Variants in CSMD1 observed in about 807,000 individuals in gnomAD.
The protein encoded by CSMD1 is CUB and Sushi multiple domains 1.
In CSMD1, 213 loss-of-function variants were observed where a neutral mutation model predicts 417.5. The observed-to-expected ratio is 0.51, with a 90% CI of 0.46 to 0.57. The LOEUF (loss-of-function observed/expected upper bound fraction) is 0.57, where lower values mean the gene tolerates loss of function less well. CSMD1 is among the 20% of genes least tolerant of loss of function. The pLI is 0.00. For synonymous variants in CSMD1, 2,862 were observed against 1,736.8 expected (o/e 1.65, Z -16.11); for missense variants, 6,923 against 4,529.7 (o/e 1.53, Z -15.17).
intron 1 of CSMD1, among the ~76,000 whole-genome samples, chr8:4,818,761 G>A (rs1799352423): frequency 6.6e-6 from 1 of 152,172 alleles, no homozygotes; most frequent in African/African-American, 2.4e-5. Context: ...GATTATAATA[G>A]CTACACATCG....
At position 4,247,889 on chromosome 8, in the gene CSMD1, G is replaced by C. The variant is rs1005280847; in HGVS notation, c.415+172064C>G. 2.6e-5 allele frequency among the ~76,000 whole-genome samples: 4 copies of C among 152,034 alleles called. No homozygotes were observed. The South Asian group carries it at 8.3e-4, about 32-fold the overall frequency. On this transcript the variant is annotated intron_variant, in intron 3 of 69. Transcript: ENST00000635120. Reference sequence around the variant, plus strand: ...AATACAATGTACAAATTTTTCTTGAGGGATAAATTTTCACCCAGATATTAA... The same window carrying C: ...AATACAATGTACAAATTTTTCTTGACGGATAAATTTTCACCCAGATATTAA...
chr8:3,185,062 G>C (rs1182942793), intron 36 of CSMD1, among the ~76,000 whole-genome samples: 1 of 152,108 alleles, frequency 6.6e-6, no homozygotes, highest in African/African-American at 2.4e-5. Context: ...GTACTCTAGG[G>C]AACTATCAAG....
intron 3 of CSMD1, among the ~76,000 whole-genome samples, chr8:4,385,720 A>G (rs1016914720): frequency 2.6e-5 from 4 of 152,192 alleles, no homozygotes; most frequent in Admixed American, 2.0e-4. Context: ...AGAAAATTCA[A>G]CCCATACGTT....
At chr8:4,677,640 AT>A (rs1439517820) in intron 1 of CSMD1, among the ~76,000 whole-genome samples, 8 of 152,088 alleles carry the variant, frequency 5.3e-5, no homozygotes, top group Non-Finnish European at 1.0e-4. Flanking sequence ...TCTTTATGTA[AT>A]CATTAATTAA....
At chr8:4,509,494 G>A (rs946016023) in intron 2 of CSMD1, among the ~76,000 whole-genome samples, 1 of 152,134 alleles carries the variant, frequency 6.6e-6, no homozygotes, top group Non-Finnish European at 1.5e-5. Context: ...ATTCTTACTA[G>A]ACGCTGTCTA....
intron 23 of CSMD1, among the ~76,000 whole-genome samples, chr8:3,319,256 G>A (rs898934155): frequency 1.3e-5 from 2 of 152,118 alleles, no homozygotes; most frequent in South Asian, 4.1e-4. Context: ...TGACTATCCC[G>A]AGCATTTGAT....
At chr8:4,043,377 AC>A (rs1350548458) in intron 3 of CSMD1, among the ~76,000 whole-genome samples, 1 of 152,242 alleles carries the variant, frequency 6.6e-6, no homozygotes, top group Non-Finnish European at 1.5e-5. Context: ...AAAATTAAAT[AC>A]AGCCACACCA....
chr8:4,868,216 A>T (rs1435686329), intron 1 of CSMD1, among the ~76,000 whole-genome samples: 1 of 152,060 alleles, frequency 6.6e-6, no homozygotes, highest in Non-Finnish European at 1.5e-5. Context: ...CCTACTCTGT[A>T]TGTTATTTTA....
intron 12 of CSMD1, among the ~76,000 whole-genome samples, chr8:3,427,182 C>T (rs930450344): frequency 6.6e-5 from 10 of 152,144 alleles, no homozygotes; most frequent in African/African-American, 2.4e-4. Context: ...ATTTTGGGTG[C>T]AGACTCAGCC....
chr8:4,552,281 G>A (rs1284217115), intron 2 of CSMD1, among the ~76,000 whole-genome samples: 1 of 151,830 alleles, frequency 6.6e-6, no homozygotes. Flanking sequence ...GAAGGACCTG[G>A]GAAAATCCTT....
intron 1 of CSMD1, among the ~76,000 whole-genome samples, chr8:4,971,495 A>G (rs933127416): frequency 2.6e-5 from 4 of 152,066 alleles, no homozygotes; most frequent in Admixed American, 2.0e-4. Context: ...TAATTATTAT[A>G]AAACTAAGGA....
chr8:3,376,187 TA>T (rs918930455), intron 18 of CSMD1, among the ~76,000 whole-genome samples: 129 of 152,142 alleles, frequency 8.5e-4, no homozygotes, highest in African/African-American at 3.0e-3. Flanking sequence ...ACTTATTTAA[TA>T]AAAAAAATTT....
At chr8:4,675,162 T>G (rs1013733607) in intron 1 of CSMD1, among the ~76,000 whole-genome samples, 17 of 152,220 alleles carry the variant, frequency 1.1e-4, no homozygotes, top group Admixed American at 5.2e-4. Context: ...TAGTTTCAGT[T>G]TTTTCTTTAG....
At chr8:3,868,815 T>A (rs1251223502) in intron 5 of CSMD1, among the ~76,000 whole-genome samples, 2 of 152,210 alleles carry the variant, frequency 1.3e-5, no homozygotes, top group Non-Finnish European at 2.9e-5. Flanking sequence ...ATCAGTCGTG[T>A]TTCATGGCCA....
intron 2 of CSMD1, among the ~76,000 whole-genome samples, chr8:4,542,864 A>G (rs1797458142): frequency 6.6e-6 from 1 of 152,170 alleles, no homozygotes; most frequent in Non-Finnish European, 1.5e-5. Flanking sequence ...TTCACAGTAT[A>G]TTTCTATCAC....
intron 31 of CSMD1, among the ~76,000 whole-genome samples, chr8:3,203,879 T>A (rs1797115604): frequency 6.6e-6 from 1 of 152,196 alleles, no homozygotes; most frequent in Non-Finnish European, 1.5e-5. Flanking sequence ...GGGAGCAGCC[T>A]CTTCCTACCT....
intron 2 of CSMD1, among the ~76,000 whole-genome samples, chr8:4,518,183 G>A (rs1803227665): frequency 6.6e-6 from 1 of 152,104 alleles, no homozygotes; most frequent in African/African-American, 2.4e-5. Flanking sequence ...TGGCACGAAT[G>A]ATATTCATGT....
chr8:3,115,734 A>C (rs1386110174), intron 42 of CSMD1, among the ~76,000 whole-genome samples: 2 of 152,260 alleles, frequency 1.3e-5, no homozygotes, highest in Non-Finnish European at 1.5e-5. Context: ...GTATATAAAT[A>C]CAAATTGATT....
At chr8:4,076,965 G>A (rs113225315) in intron 3 of CSMD1, among the ~76,000 whole-genome samples, 91 of 152,170 alleles carry the variant, frequency 6.0e-4, no homozygotes, top group African/African-American at 2.0e-3. Flanking sequence ...ACTTTCCTCT[G>A]AATTATATCA....
Sources: gnomAD v4.1 joint callset for allele counts (sites outside exome capture counted in the v4.1 genomes callset) on GRCh38, gnomAD v4.1.1 for gene constraint, MANE v1.5 for transcripts, NCBI Gene and HGNC (gene_info 2026-07-23, HGNC 2026-07-21) for gene names.